ADGRL3: variants seen among roughly 807,000 people sequenced by gnomAD.
ADGRL3 encodes adhesion G protein-coupled receptor L3, also known as calcium-independent alpha-latrotoxin receptor 3.
Under a neutral mutation model 153.5 loss-of-function variants are expected in ADGRL3, and 62 were observed. The observed-to-expected ratio is 0.40, with a 90% CI of 0.33 to 0.50. ADGRL3 has a LOEUF of 0.50. Among genes scored for constraint, ADGRL3 ranks in the 20% least tolerant of loss-of-function variants. The probability of loss-of-function intolerance (pLI) is 0.47; values close to 1 mark genes in which losing one functional copy is unlikely to be tolerated. For synonymous variants in ADGRL3, 710 were observed against 672.5 expected (o/e 1.06, Z -0.86); for missense variants, 1,641 against 1,859.4 (o/e 0.88, Z 2.16).
At chr4:61,842,825 C>G (rs543696244) in intron 9 of ADGRL3, among the ~76,000 whole-genome samples, 2 of 152,192 alleles carry the variant, frequency 1.3e-5, no homozygotes, top group South Asian at 4.1e-4. Flanking sequence ...TTGAAAAGAT[C>G]AACTCAATGA....
chr4:61,957,319 C>A (rs1047647573), intron 17 of ADGRL3, among the ~76,000 whole-genome samples: 1 of 151,990 alleles, frequency 6.6e-6, no homozygotes, highest in Non-Finnish European at 1.5e-5. Context: ...AGTCCATTCA[C>A]GATTTGGCTC....
intron 8 of ADGRL3, among the ~76,000 whole-genome samples, chr4:61,735,159 G>T (rs879401876): frequency 3.3e-5 from 5 of 152,070 alleles, no homozygotes; most frequent in Admixed American, 3.3e-4. Context: ...TCTGACTCTA[G>T]TGTAATACAT....
At position 61,935,963 on chromosome 4, in the gene ADGRL3, A is replaced by C; in HGVS notation, c.2337A>C (p.Glu779Asp). The stretch of plus-strand genomic sequence containing the variant: ...GACTGAGCACAGAAGGAAACTTAGA[A>C]GACCTAAAATTTCCAGAAAACATGG... ...VARLSTEGNL[E>D]DLKFPENMGH... Residue 779 changes from glutamate to aspartate, a missense_variant, in exon 15 of 27, where the codon GAA (glutamate) becomes GAC (aspartate). Transcript: ENST00000683033. The C allele has an allele frequency of 6.2e-7, 1 of 1,601,852 alleles. No homozygotes were observed. The highest frequency in any genetic ancestry group is 8.5e-7 in the Non-Finnish European group (1 of 1,173,516).
intron 1 of ADGRL3, among the ~76,000 whole-genome samples, chr4:61,306,480 C>T (rs982633845): frequency 2.6e-5 from 4 of 152,128 alleles, no homozygotes; most frequent in African/African-American, 9.7e-5. Flanking sequence ...GCCATGTAGG[C>T]ATTACACTGA....
intron 3 of ADGRL3, among the ~76,000 whole-genome samples, chr4:61,506,832 G>T (rs2098433734): frequency 6.6e-6 from 1 of 152,062 alleles, no homozygotes; most frequent in Admixed American, 6.5e-5. Flanking sequence ...CTTTTTCTTG[G>T]ACTCAGATGA....
At chr4:61,678,625 G>A (rs1235355398) in intron 6 of ADGRL3, among the ~76,000 whole-genome samples, 1 of 151,824 alleles carries the variant, frequency 6.6e-6, no homozygotes, top group Non-Finnish European at 1.5e-5. Context: ...TGGCAATTTG[G>A]TTCCTTAATG....
chr4:61,301,005 C>A (rs1194176265), intron 1 of ADGRL3, among the ~76,000 whole-genome samples: 2 of 152,066 alleles, frequency 1.3e-5, no homozygotes, highest in Non-Finnish European at 2.9e-5. Context: ...CTTTGTGATC[C>A]ACCCGCCTCG....
chr4:61,912,832 AG>A (rs1289328477), intron 13 of ADGRL3, 75 bp downstream of exon 13: 1 of 1,330,890 alleles, frequency 7.5e-7, no homozygotes, highest in Non-Finnish European at 1.1e-6. Flanking sequence ...GACACCTGAT[AG>A]AAAAATGATA....
intron 1 of ADGRL3, among the ~76,000 whole-genome samples, chr4:61,342,805 A>G (rs925995359): frequency 6.6e-6 from 1 of 152,148 alleles, no homozygotes; most frequent in African/African-American, 2.4e-5. Flanking sequence ...AACCATCTCT[A>G]GTAGCCTCAC....
Position 61,398,064 on chromosome 4 carries a change from G to T in ADGRL3, c.-174+14875G>T, listed in dbSNP as rs553114477. ...ACTCTGAGTGATGAAATAATAAAGC[G>T]ATATTGGTTTTGATGTGTTTTACTT... On this transcript the variant is annotated intron_variant, in intron 2 of 26. Transcript: ENST00000683033. Among the ~76,000 whole-genome samples, 4 of 151,890 alleles carry T rather than the reference G, an allele frequency of 2.6e-5. No individual in the cohort carries two copies. The South Asian group carries it at 8.3e-4, about 32-fold the overall frequency.
chr4:61,506,678 ACAC>A (rs2098431990), intron 3 of ADGRL3, among the ~76,000 whole-genome samples: 2 of 152,186 alleles, frequency 1.3e-5, no homozygotes, highest in Non-Finnish European at 2.9e-5. Context: ...AGTGACAGAT[ACAC>A]CCTCACTTTG....
intron 1 of ADGRL3, among the ~76,000 whole-genome samples, chr4:61,259,513 C>G (rs1043482170): frequency 6.6e-6 from 1 of 152,058 alleles, no homozygotes; most frequent in Non-Finnish European, 1.5e-5. Flanking sequence ...CAGTATTGGT[C>G]AGGCTTCTTC....
At chr4:62,006,027 TA>T (rs1294262467) in intron 21 of ADGRL3, among the ~76,000 whole-genome samples, 50 of 100,012 alleles carry the variant, frequency 5.0e-4, no homozygotes, top group African/African-American at 1.5e-3. Flanking sequence ...TATATATATA[TA>T]TATATTTTTT....
chr4:61,846,723 A>T (rs1408571606), intron 9 of ADGRL3, among the ~76,000 whole-genome samples: 2 of 151,938 alleles, frequency 1.3e-5, no homozygotes, highest in Non-Finnish European at 2.9e-5. Flanking sequence ...TACAGGAAAC[A>T]TGGTGCTGGC....
chr4:61,714,700 T>C (rs2096072517), intron 6 of ADGRL3, among the ~76,000 whole-genome samples: 1 of 152,166 alleles, frequency 6.6e-6, no homozygotes, highest in Non-Finnish European at 1.5e-5. Flanking sequence ...AGTTGTACGG[T>C]TCTGGGTGGC....
At chr4:61,460,929 G>A (rs2097804843) in intron 2 of ADGRL3, among the ~76,000 whole-genome samples, 1 of 152,074 alleles carries the variant, frequency 6.6e-6, no homozygotes, top group Admixed American at 6.6e-5. Flanking sequence ...AATTAGCCAG[G>A]CGCGGTGGCA....
chr4:61,907,001 T>C (rs2098698973), intron 11 of ADGRL3, among the ~76,000 whole-genome samples: 2 of 152,042 alleles, frequency 1.3e-5, no homozygotes, highest in Admixed American at 1.3e-4. Context: ...TGGACTGCCT[T>C]TAAAAAGGGG....
At chr4:61,587,603 T>A (rs2098951598) in intron 5 of ADGRL3, among the ~76,000 whole-genome samples, 163 bp downstream of exon 5, 1 of 152,098 alleles carries the variant, frequency 6.6e-6, no homozygotes, top group Non-Finnish European at 1.5e-5. Context: ...AAAATGCTAA[T>A]TGCAAACAGC....
At chr4:61,728,907 G>T (rs1160295031) in intron 6 of ADGRL3, among the ~76,000 whole-genome samples, 1 of 152,010 alleles carries the variant, frequency 6.6e-6, no homozygotes, top group African/African-American at 2.4e-5. Context: ...CTCAGATAAG[G>T]CTTGAGATGC....
Sources: allele counts gnomAD v4.1 joint callset (sites outside exome capture counted in the v4.1 genomes callset), GRCh38; gene constraint gnomAD v4.1.1; transcripts MANE v1.5; gene names NCBI Gene and HGNC (gene_info 2026-07-23, HGNC 2026-07-21).